Variants in MKLN1 observed in about 807,000 individuals in gnomAD.
MKLN1 encodes muskelin 1.
Under a neutral mutation model 99.0 loss-of-function variants are expected in MKLN1, and 18 were observed. That is an observed-to-expected ratio of 0.18 (90% CI 0.13 to 0.27). The LOEUF is 0.27. Ranked by LOEUF, MKLN1 falls within the 10% of genes least tolerant of loss-of-function variation. The probability of loss-of-function intolerance (pLI) is 1.00; values close to 1 mark genes in which losing one functional copy is unlikely to be tolerated. For synonymous variants in MKLN1, 288 were observed against 293.2 expected, an observed-to-expected ratio of 0.98 and a Z score of 0.18; for missense variants, 621 against 875.9, an observed-to-expected ratio of 0.71 and a Z score of 3.67.
intron 12 of MKLN1, among the ~76,000 whole-genome samples, chr7:131,449,052 C>T (rs1309667838): frequency 2.0e-5 from 3 of 152,062 alleles, no homozygotes; most frequent in Non-Finnish European, 4.4e-5. Flanking sequence ...CACTGGATGC[C>T]GTGATAATGA....
intron 1 of MKLN1, among the ~76,000 whole-genome samples, chr7:131,134,582 C>T (rs1355781678): frequency 6.6e-6 from 1 of 152,158 alleles, no homozygotes; most frequent in African/African-American, 2.4e-5. Context: ...CTCCTTCCTG[C>T]CTTTAGCTTC....
intron 15 of MKLN1, among the ~76,000 whole-genome samples, chr7:131,470,317 C>G (rs1796783288): frequency 6.6e-6 from 1 of 152,152 alleles, no homozygotes. Flanking sequence ...GTTGTTTTTA[C>G]TGACTGAGAC....
intron 3 of MKLN1, among the ~76,000 whole-genome samples, chr7:131,306,356 A>C (rs1459463983): frequency 6.6e-6 from 1 of 152,250 alleles, no homozygotes; most frequent in Non-Finnish European, 1.5e-5. Flanking sequence ...AAAGGTTGGA[A>C]CGGTTTGGAC....
chr7:131,332,717 T>C (rs1220647773), intron 1 of MKLN1, among the ~76,000 whole-genome samples: 1 of 152,066 alleles, frequency 6.6e-6, no homozygotes, highest in Admixed American at 6.6e-5. Context: ...CCTTAACATA[T>C]AGTAAATACT....
At chr7:131,219,336 C>T (rs1205527601) in intron 3 of MKLN1, among the ~76,000 whole-genome samples, 1 of 152,098 alleles carries the variant, frequency 6.6e-6, no homozygotes, top group East Asian at 1.9e-4. Context: ...TTTGCCTCCC[C>T]TTGGTTTCTG....
At chr7:131,202,348 C>T (rs927996460) in intron 2 of MKLN1, among the ~76,000 whole-genome samples, 16 of 151,800 alleles carry the variant, frequency 1.1e-4, no homozygotes, top group African/African-American at 3.4e-4. Context: ...ATCTCCTGAC[C>T]TTCTGATCTG....
rs567944290 is a variant in MKLN1 at position 131,172,566 on chromosome 7, C to T, written c.-297+29625C>T. Among the ~76,000 whole-genome samples the T allele has an allele frequency of 1.4e-4, 22 of 152,258 alleles. No homozygotes were observed. In the East Asian group the frequency reaches 1.7e-3, roughly 12 times the overall value. On this transcript the variant is annotated intron_variant, in intron 2 of 7. Transcript: ENST00000416992. ...TCCTGACCTCGTGATCCACCTGCCT[C>T]GGCCTCCCAAAGTGCTAGGATTACA...
intron 8 of MKLN1, among the ~76,000 whole-genome samples, chr7:131,428,599 A>T (rs924698697): frequency 6.6e-6 from 1 of 152,198 alleles, no homozygotes; most frequent in African/African-American, 2.4e-5. Context: ...ATTTTTTAGA[A>T]TCTGAATTAA....
intron 2 of MKLN1, among the ~76,000 whole-genome samples, chr7:131,156,357 C>T (rs1266033366): frequency 6.8e-6 from 1 of 147,562 alleles, no homozygotes; most frequent in Non-Finnish European, 1.5e-5. Flanking sequence ...GAAACCCCGT[C>T]TCTACTAAAA....
At chr7:131,226,963 G>A (rs1177252676) in intron 3 of MKLN1, among the ~76,000 whole-genome samples, 1 of 152,036 alleles carries the variant, frequency 6.6e-6, no homozygotes, top group Non-Finnish European at 1.5e-5. Context: ...GAGATGTTTT[G>A]GTCAAGGATT....
intron 16 of MKLN1, 70 bp downstream of exon 16, chr7:131,471,014 AT>A: frequency 9.1e-7 from 1 of 1,094,068 alleles, no homozygotes; most frequent in Middle Eastern, 2.6e-4. Flanking sequence ...ATATTTAATG[AT>A]TTTGCTCTTG....
intron 2 of MKLN1, among the ~76,000 whole-genome samples, chr7:131,191,745 G>A (rs1219545538): frequency 7.8e-5 from 11 of 140,548 alleles, no homozygotes; most frequent in Admixed American, 3.0e-4. Flanking sequence ...ACAGAGTCTC[G>A]CTGTATCTCC....
chr7:131,187,890 A>T (rs1287232431), intron 2 of MKLN1, among the ~76,000 whole-genome samples: 1 of 152,110 alleles, frequency 6.6e-6, no homozygotes, highest in Non-Finnish European at 1.5e-5. Flanking sequence ...CAGGAGGTGG[A>T]GGTTGCAGTG....
chr7:131,365,810 T>TG (rs1398915095), intron 1 of MKLN1, among the ~76,000 whole-genome samples: 5 of 151,236 alleles, frequency 3.3e-5, no homozygotes, highest in Non-Finnish European at 7.4e-5. Flanking sequence ...TTTATGTGTG[T>TG]TTTTTTTTAT....
At chr7:131,444,821 A>AGAAGTG (rs1375325738) in intron 11 of MKLN1, among the ~76,000 whole-genome samples, 11 of 120,256 alleles carry the variant, frequency 9.1e-5, no homozygotes, top group Admixed American at 4.1e-4. Context: ...TAGTAGTAGT[A>AGAAGTG]GAAGTGGAAG....
intron 3 of MKLN1, among the ~76,000 whole-genome samples, chr7:131,232,525 T>C (rs942030449): frequency 6.6e-6 from 1 of 152,226 alleles, no homozygotes; most frequent in African/African-American, 2.4e-5. Context: ...TTTATAATTA[T>C]AGTGATATTG....
intron 3 of MKLN1, among the ~76,000 whole-genome samples, chr7:131,278,630 T>A (rs1169058226): frequency 6.6e-6 from 1 of 152,054 alleles, no homozygotes; most frequent in African/African-American, 2.4e-5. Flanking sequence ...TTTTTTTTTT[T>A]AAGAGACAGG....
intron 2 of MKLN1, among the ~76,000 whole-genome samples, chr7:131,191,612 A>AT (rs1796542474): frequency 6.6e-6 from 1 of 152,102 alleles, no homozygotes; most frequent in Non-Finnish European, 1.5e-5. Context: ...CGTGTTACCA[A>AT]TTTTACAAGG....
chr7:131,434,678 C>T (rs1795625959), intron 9 of MKLN1, among the ~76,000 whole-genome samples: 1 of 152,138 alleles, frequency 6.6e-6, no homozygotes, highest in East Asian at 1.9e-4. Flanking sequence ...CTCAGTCTCC[C>T]CAGTAGCTGG....
Sources: allele counts gnomAD v4.1 joint callset (sites outside exome capture counted in the v4.1 genomes callset), GRCh38; gene constraint gnomAD v4.1.1; transcripts MANE v1.5; gene names NCBI Gene and HGNC (gene_info 2026-07-23, HGNC 2026-07-21).